Variants in HAUS7 observed in about 807,000 individuals in gnomAD.
HAUS7 encodes HAUS augmin like complex subunit 7.
A neutral mutation model predicts 28.4 loss-of-function variants in HAUS7; 3 were observed. The ratio of observed to expected loss-of-function variants is 0.11; its 90% CI spans 0.05 to 0.27. The LOEUF (loss-of-function observed/expected upper bound fraction) is 0.27, where lower values mean the gene tolerates loss of function less well. Ranked by LOEUF, HAUS7 falls within the 10% of genes least tolerant of loss-of-function variation. The probability of loss-of-function intolerance (pLI) is 1.00; values close to 1 mark genes in which losing one functional copy is unlikely to be tolerated. For synonymous variants in HAUS7, 165 were observed against 132.1 expected (o/e 1.25, Z -1.71); for missense variants, 284 against 297.3 (o/e 0.96, Z 0.33).
rs953474958 is a variant in HAUS7, at chrX:153,486,467, G to A, written c.-589+8907C>T. Among the ~76,000 whole-genome samples, 9 of 112,544 alleles carry A rather than the reference G, an allele frequency of 8.0e-5. No individual in the cohort carries two copies. The Admixed American group carries it at 8.4e-4, about 10-fold the overall frequency. On this transcript the variant is annotated intron_variant, in intron 1 of 5. Coordinates refer to the HAUS7 transcript ENST00000370210. ...CGAGTTGGGAGGGGGCCAGGAGGCC[G>A]CAGTGGTCTCTGAAGCCCGCCATCA...
At chrX:153,485,807 G>A in intron 1 of HAUS7, 3 of 902,482 alleles carry the variant, frequency 3.3e-6, no homozygotes, top group Non-Finnish European at 4.2e-6. Context: ...CAACCGGCTG[G>A]TGCACGTGCC....
intron 9 of HAUS7, among the ~76,000 whole-genome samples, chrX:153,451,072 C>T (rs1489293926): frequency 4.5e-5 from 5 of 112,320 alleles, no homozygotes; most frequent in Non-Finnish European, 7.5e-5. Context: ...GCTCCCCTGG[C>T]GTCTCTCCAG....
chrX:153,462,653 T>C lies in HAUS7; in HGVS notation c.311A>G (p.His104Arg), dbSNP rs371216710. 15 of 1,206,005 alleles carry C rather than the reference T, an allele frequency of 1.2e-5. No individual in the cohort carries two copies. In the East Asian group the frequency reaches 1.8e-4, roughly 14 times the overall value. ...VKIQEMTKLG[H>R]ELMLCAPDDQ... is the part of the protein sequence containing the mutation. ...ATCTGGCGCACACAGCATCAGCTCG[T>C]GGCCCAGCTTCGTCATTTCTGTTGA... The change falls in exon 4 of 10, where the codon CAC (histidine) becomes CGC (arginine). Residue 104 changes from histidine to arginine, a missense_variant. Physicochemically the swap from His to Arg is conservative, Grantham distance 29. Coordinates refer to ENST00000370211, the MANE Select transcript of HAUS7 (RefSeq NM_001385482.1).
upstream of HAUS7, among the ~76,000 whole-genome samples, chrX:153,473,096 T>G (rs2124159813): frequency 8.9e-6 from 1 of 111,934 alleles, no homozygotes; most frequent in Admixed American, 9.4e-5. Context: ...CAGAGATATA[T>G]GGCCAAACAG....
At chrX:153,481,108 C>T (rs1305612498) in intron 1 of HAUS7, 7 of 626,228 alleles carry the variant, frequency 1.1e-5, no homozygotes, top group Non-Finnish European at 1.1e-5. Flanking sequence ...GCCCCGTTCC[C>T]GGTGTTTCCA....
At chrX:153,481,103 G>A (rs782331110) in intron 1 of HAUS7, 74 of 631,132 alleles carry the variant, frequency 1.2e-4, no homozygotes, top group African/African-American at 2.4e-4. Context: ...GCACTGCCCC[G>A]TTCCCGGTGT....
intron 9 of HAUS7, among the ~76,000 whole-genome samples, chrX:153,451,031 C>T (rs1432284926): frequency 2.7e-5 from 3 of 112,279 alleles, no homozygotes; most frequent in Non-Finnish European, 5.6e-5. Flanking sequence ...AGTTGAGAGC[C>T]CCTAGAGAGG....
chrX:153,455,485 T>C, intron 8 of HAUS7, 57 bp downstream of exon 8: 1 of 793,615 alleles, frequency 1.3e-6, no homozygotes. Context: ...ATATAAGCTC[T>C]CAGTCTGAGT....
chrX:153,453,192 T>C (rs782819156), intron 9 of HAUS7, among the ~76,000 whole-genome samples: 9 of 112,079 alleles, frequency 8.0e-5, no homozygotes, highest in South Asian at 3.7e-4. Context: ...ATTCCATTTA[T>C]AGGAAATGTC....
At chrX:153,469,352 C>CAAA in intron 1 of HAUS7, 91 bp from the exon 2 acceptor site, 1 of 461,666 alleles carries the variant, frequency 2.2e-6, no homozygotes, top group Non-Finnish European at 3.8e-6. Flanking sequence ...GACGGAGTCT[C>CAAA]ACTCTGTCGC....
At chrX:153,454,764 C>G in intron 8 of HAUS7, 1 of 565,217 alleles carries the variant, frequency 1.8e-6, no homozygotes, top group Non-Finnish European at 2.9e-6. Flanking sequence ...TGGCAACCCT[C>G]GATGCCTAGG....
chrX:153,467,078 G>A (rs1382159674), intron 2 of HAUS7, among the ~76,000 whole-genome samples: 3 of 111,015 alleles, frequency 2.7e-5, no homozygotes, highest in African/African-American at 9.9e-5. Context: ...GCTTCCACCT[G>A]AGTCAGGCAA....
At position 153,454,441 on chromosome X, in the gene HAUS7, T is replaced by C. The variant is rs781889161; in HGVS notation, c.998A>G (p.Gln333Arg). 1.7e-6 allele frequency: 2 copies of C among 1,193,377 alleles called. No individual in the cohort carries two copies. The highest frequency in any genetic ancestry group is 3.5e-5 in the South Asian group (2 of 56,471). Residue 333 changes from glutamine to arginine, a missense_variant, in exon 9 of 10, where the codon CAA (glutamine) becomes CGA (arginine). Physicochemically the swap from Gln to Arg is conservative, Grantham distance 43. Transcript: ENST00000370211. Reference protein sequence around the residue: ...AKAVETVKKQQGEQICWGGSS... With the variant: ...AKAVETVKKQRGEQICWGGSS... ...GCCACCCCAGCAGATCTGCTCGCCT[T>C]GCTGCTTCTTCACGGTCTCCACGGC... is the stretch of plus-strand genomic sequence containing the variant.
At chrX:153,472,403 C>T (rs944445007), upstream of HAUS7, among the ~76,000 whole-genome samples, 1 of 105,458 alleles carries the variant, frequency 9.5e-6, no homozygotes, top group African/African-American at 3.4e-5. Context: ...GCTGCAGCTT[C>T]CCTGCCCACG....
At chrX:153,479,548 C>G (rs915388825) in intron 1 of HAUS7, among the ~76,000 whole-genome samples, 1 of 111,988 alleles carries the variant, frequency 8.9e-6, no homozygotes, top group Non-Finnish European at 1.9e-5. Context: ...AGGGAAGAGG[C>G]CTTCCTAGGA....
At chrX:153,470,297 A>G (rs2089504527) in intron 1 of HAUS7, among the ~76,000 whole-genome samples, 153 bp downstream of exon 1, 1 of 113,545 alleles carries the variant, frequency 8.8e-6, no homozygotes, top group Admixed American at 9.2e-5. Flanking sequence ...TGAATGATCC[A>G]CAAGCACCCC....
At chrX:153,454,761 C>A in intron 8 of HAUS7, 1 of 557,603 alleles carries the variant, frequency 1.8e-6, no homozygotes, top group Non-Finnish European at 3.0e-6. Context: ...CTCTGGCAAC[C>A]CTCGATGCCT....
At chrX:153,473,333 T>C (rs782249356), upstream of HAUS7, among the ~76,000 whole-genome samples, 5 of 109,639 alleles carry the variant, frequency 4.6e-5, no homozygotes, top group African/African-American at 1.3e-4. Context: ...GGGGCTGGAG[T>C]TAGACCTGAG....
chrX:153,482,945 G>GCA, intron 1 of HAUS7: 1 of 145,352 alleles, frequency 6.9e-6, no homozygotes, highest in Non-Finnish European at 1.2e-5. Flanking sequence ...TTCTGCTGAG[G>GCA]GGGCGTGGAG....
Sources: allele counts gnomAD v4.1 joint callset (sites outside exome capture counted in the v4.1 genomes callset), GRCh38; gene constraint gnomAD v4.1.1; transcripts MANE v1.5; gene names NCBI Gene and HGNC (gene_info 2026-07-23, HGNC 2026-07-21).